The following CLVS2 variants were observed in gnomAD, a reference collection of about 807,000 sequenced individuals.
The protein encoded by CLVS2 is clavesin-2.
A neutral mutation model predicts 29.0 loss-of-function variants in CLVS2; 19 were observed. That is an observed-to-expected ratio of 0.66 (90% confidence interval 0.46 to 0.96). CLVS2 has a LOEUF of 0.96. Among genes scored for constraint, CLVS2 ranks in the 40% least tolerant of loss-of-function variants. CLVS2 has a pLI of 0.00. For missense variants in CLVS2, 294 were observed against 404.1 expected (o/e 0.73, Z 2.34); for synonymous variants, 161 against 151.3 (o/e 1.06, Z -0.47).
intron 3 of CLVS2, among the ~76,000 whole-genome samples, chr6:123,040,667 C>T (rs1314186698): frequency 6.6e-6 from 1 of 151,224 alleles, no homozygotes; most frequent in African/African-American, 2.4e-5. Flanking sequence ...GTGGCGGGTA[C>T]CTGTAAGCCC....
In CLVS2 at chr6:122,999,042, T is replaced by C. The variant is rs377506597; in HGVS notation, c.389+876T>C. Among the ~76,000 whole-genome samples the C allele has an allele frequency of 1.5e-4, 23 of 152,342 alleles. No individual in the cohort carries two copies. In the South Asian group the frequency reaches 4.8e-3, roughly 32 times the overall value. On this transcript the variant is annotated intron_variant, in intron 2 of 5. Coordinates refer to ENST00000275162, the MANE Select transcript of CLVS2 (RefSeq NM_001010852.4). Reference sequence around the variant, plus strand: ...TCTCAGACTGAAAGATATAAGAAATTATAAAAGGCTCTTGTGCAAGGTAGT... The same window carrying C: ...TCTCAGACTGAAAGATATAAGAAATCATAAAAGGCTCTTGTGCAAGGTAGT...
intron 3 of CLVS2, among the ~76,000 whole-genome samples, chr6:123,042,710 C>A (rs1775250466): frequency 6.6e-6 from 1 of 152,146 alleles, no homozygotes; most frequent in African/African-American, 2.4e-5. Flanking sequence ...TGGTAAAAAT[C>A]TTTGCTTTCG....
chr6:123,013,698 T>C (rs1273357421), intron 3 of CLVS2, among the ~76,000 whole-genome samples: 2 of 152,024 alleles, frequency 1.3e-5, no homozygotes, highest in Non-Finnish European at 2.9e-5. Flanking sequence ...TTAGGGTACA[T>C]GTGCACATTG....
At chr6:123,055,269 A>G (rs1000579327) in intron 4 of CLVS2, among the ~76,000 whole-genome samples, 3 of 152,140 alleles carry the variant, frequency 2.0e-5, no homozygotes, top group Non-Finnish European at 4.4e-5. Context: ...GGTTATTTAC[A>G]TCACCCACTT....
intron 3 of CLVS2, among the ~76,000 whole-genome samples, chr6:123,022,916 G>T (rs1774944732): frequency 6.6e-6 from 1 of 152,042 alleles, no homozygotes; most frequent in African/African-American, 2.4e-5. Flanking sequence ...TACATTTAAT[G>T]ATAACTGAGG....
intron 3 of CLVS2, among the ~76,000 whole-genome samples, chr6:123,031,999 G>A (rs533554909): frequency 2.0e-5 from 3 of 151,914 alleles, no homozygotes; most frequent in Non-Finnish European, 4.4e-5. Context: ...ACTTTTTTGG[G>A]CAATTATTTC....
At position 123,066,919 on chromosome 6, in the gene CLVS2, A is replaced by T. The variant is rs199801850; in HGVS notation, c.*3158A>T. On this transcript the variant is annotated 3_prime_UTR_variant, in exon 6 of 6. Transcript: ENST00000275162. ...TCTGTTGTGTAAGTTAAATACAGTA[A>T]CTTTAGTACATGTTAATGATAAACG... The T allele has an allele frequency of 1.3e-5, 2 of 151,722 alleles. 1 individual carries two copies. The highest frequency in any genetic ancestry group is 3.9e-4 in the East Asian group (2 of 5,194). The allele number at this position is 151,722 out of a possible 1,614,324, so 9.4% of individuals were successfully genotyped here. A position where few individuals can be genotyped will look rare whatever the true frequency, so the allele number is the denominator to read the frequency against.
At chr6:123,058,046 G>T (rs1276394186) in intron 5 of CLVS2, among the ~76,000 whole-genome samples, 1 of 152,136 alleles carries the variant, frequency 6.6e-6, no homozygotes, top group East Asian at 1.9e-4. Context: ...GTGGTTAAAA[G>T]CAACTCCCCC....
chr6:123,011,229 G>T lies in CLVS2; in HGVS notation c.564+70G>T. ...CTTCTCTTGTCTAATGTGTTAGAAT[G>T]AAAAAATGTCTTACTTACAGAATAA... is the stretch of plus-strand genomic sequence containing the variant. On this transcript the variant is annotated intron_variant, in intron 3 of 5. Transcript: ENST00000275162. 3 of 1,186,120 alleles carry T rather than the reference G, an allele frequency of 2.5e-6. No individual in the cohort carries two copies. The South Asian group carries it at 6.1e-5, about 24-fold the overall frequency. 73.5% of individuals were successfully genotyped at this position (1,186,120 alleles called of 1,614,324 possible). A position where few individuals can be genotyped will look rare whatever the true frequency, so the allele number is the denominator to read the frequency against.
At chr6:122,996,942 C>T (rs1774518357) in intron 1 of CLVS2, among the ~76,000 whole-genome samples, 196 bp downstream of exon 1, 1 of 146,784 alleles carries the variant, frequency 6.8e-6, no homozygotes, top group African/African-American at 2.5e-5. Context: ...AAATGAAGGG[C>T]TAGAGGAAGG....
intron 4 of CLVS2, among the ~76,000 whole-genome samples, chr6:123,050,283 T>G (rs1772586175): frequency 6.6e-6 from 1 of 152,226 alleles, no homozygotes; most frequent in Non-Finnish European, 1.5e-5. Flanking sequence ...CCAAAAAACC[T>G]GCAGGGGCTT....
At chr6:123,012,607 G>A (rs1011707341) in intron 3 of CLVS2, among the ~76,000 whole-genome samples, 1 of 151,860 alleles carries the variant, frequency 6.6e-6, no homozygotes, top group African/African-American at 2.4e-5. Flanking sequence ...CTGACAATTT[G>A]GAGATGTTTG....
chr6:122,999,480 G>A (rs746663397), intron 2 of CLVS2, among the ~76,000 whole-genome samples: 39 of 152,140 alleles, frequency 2.6e-4, no homozygotes, highest in Non-Finnish European at 7.3e-5. Context: ...AGAGGGAATG[G>A]AGTTTTGTTA....
intron 4 of CLVS2, among the ~76,000 whole-genome samples, chr6:123,052,993 A>G (rs1772635924): frequency 6.7e-6 from 1 of 149,926 alleles, no homozygotes; most frequent in Non-Finnish European, 1.5e-5. Flanking sequence ...CAATGAGAAA[A>G]TATAGTTAAA....
intron 3 of CLVS2, among the ~76,000 whole-genome samples, chr6:123,034,304 A>G (rs1269245565): frequency 6.6e-6 from 1 of 152,156 alleles, no homozygotes; most frequent in East Asian, 1.9e-4. Flanking sequence ...ACTGGAAGTA[A>G]CTCAAATGTC....
rs989075208 is a variant in CLVS2 at position 123,070,144 on chromosome 6, T to A, written c.*6383T>A. 7 of 151,974 alleles carry A rather than the reference T, an allele frequency of 4.6e-5. No homozygotes were observed. Among genetic ancestry groups the A allele is most frequent in the Non-Finnish European group, 8.8e-5 (6 of 67,934 alleles). 9.4% of individuals were successfully genotyped at this position (151,974 alleles called of 1,614,324 possible). A position where few individuals can be genotyped will look rare whatever the true frequency, so the allele number is the denominator to read the frequency against. ...AGGGAAGACTAGTAATATCCCTTAC[T>A]CCTCATTCATATAGCTAACAATTTT... On this transcript the variant is annotated 3_prime_UTR_variant, in exon 6 of 6. Transcript: ENST00000275162.
intron 3 of CLVS2, among the ~76,000 whole-genome samples, chr6:123,019,309 T>C (rs1465458534): frequency 6.6e-6 from 1 of 152,084 alleles, no homozygotes; most frequent in African/African-American, 2.4e-5. Flanking sequence ...TTGATGATTC[T>C]TCAGTTGGCA....
At chr6:123,063,561 T>G in intron 5 of CLVS2, 113 bp from the exon 6 acceptor site, 1 of 630,648 alleles carries the variant, frequency 1.6e-6, no homozygotes, top group Non-Finnish European at 2.8e-6. Flanking sequence ...AATTTCTTGA[T>G]ATAGAGGAAG....
rs1774533694 is a variant in CLVS2 at position 122,997,804 on chromosome 6, C to T, written c.27C>T (p.Ser9=). 1 of 1,614,034 alleles carries T rather than the reference C, an allele frequency of 6.2e-7. No homozygotes were observed. Among genetic ancestry groups the T allele is most frequent in the Admixed American group, 1.7e-5 (1 of 60,018 alleles). Reference sequence around the variant, plus strand: ...TGACTCATTTGCAAGCCGGTCTCTCCCCTGAGACCCTGGAGAAAGCTCGCC... The same window carrying T: ...TGACTCATTTGCAAGCCGGTCTCTCTCCTGAGACCCTGGAGAAAGCTCGCC... MTHLQAGL[S]PETLEKARLE... is the part of the protein sequence containing the mutation. The change falls in exon 2 of 6, where the codon TCC becomes TCT. Residue 9 remains serine (S), a synonymous_variant. Transcript: ENST00000275162.
Sources: gnomAD v4.1 joint callset for allele counts (sites outside exome capture counted in the v4.1 genomes callset) on GRCh38, gnomAD v4.1.1 for gene constraint, MANE v1.5 for transcripts, NCBI Gene and HGNC (gene_info 2026-07-23, HGNC 2026-07-21) for gene names.